The following BRF1 variants were observed in gnomAD, a reference collection of about 807,000 sequenced individuals.
BRF1 encodes the protein BRF1 general transcription factor IIIB subunit.
In BRF1, 59 loss-of-function variants were observed where a neutral mutation model predicts 81.7. The observed-to-expected ratio is 0.72, with a 90% confidence interval of 0.59 to 0.90. The LOEUF (loss-of-function observed/expected upper bound fraction) is 0.90. Among genes scored for constraint, BRF1 ranks in the 40% least tolerant of loss-of-function variants. BRF1 has a pLI of 0.00. For missense variants in BRF1, 1,050 were observed against 936.3 expected, an observed-to-expected ratio of 1.12 and a Z score of -1.58; for synonymous variants, 491 against 395.6, an observed-to-expected ratio of 1.24 and a Z score of -2.86.
chr14:105,241,637 T>C, intron 5 of BRF1: 1 of 615,730 alleles, frequency 1.6e-6, no homozygotes, highest in Non-Finnish European at 2.8e-6. Context: ...GCCAGCCTGC[T>C]GCAGACACGC....
intron 6 of BRF1, among the ~76,000 whole-genome samples, chr14:105,229,432 C>T (rs144595951): frequency 5.8e-4 from 89 of 152,322 alleles, no homozygotes; most frequent in Non-Finnish European, 7.6e-4. Context: ...CCTGGCCTGC[C>T]GGGTAGAGTG....
intron 6 of BRF1, among the ~76,000 whole-genome samples, chr14:105,229,652 G>GC (rs2054414460): frequency 6.6e-6 from 1 of 150,906 alleles, no homozygotes; most frequent in African/African-American, 2.4e-5. Flanking sequence ...GCGGGGGACA[G>GC]CCTGGCAGCC....
chr14:105,286,144 C>G, intron 2 of BRF1, 152 bp downstream of exon 2: 3 of 897,910 alleles, frequency 3.3e-6, no homozygotes, highest in Non-Finnish European at 5.1e-6. Flanking sequence ...GGCACAATTC[C>G]TCCTGGAAAG....
chr14:105,266,342 G>C (rs772457981), intron 3 of BRF1, among the ~76,000 whole-genome samples: 1 of 152,184 alleles, frequency 6.6e-6, no homozygotes, highest in Non-Finnish European at 1.5e-5. Context: ...GAGCCAGGGA[G>C]TTGGAGGTTG....
In BRF1 at chr14:105,226,231, T is replaced by C. The variant is rs1370318149; in HGVS notation, c.955+20A>G. 1.2e-6 allele frequency: 2 copies of C among 1,614,096 alleles called. No individual in the cohort carries two copies. The highest frequency in any genetic ancestry group is 2.2e-5 in the South Asian group (2 of 91,088). ...TTCCCAACAAAACAGAAGCATTACATGGGAAGATTGGTTGGTTACCTTCAA... is the reference window on the plus strand; with the variant it reads ...TTCCCAACAAAACAGAAGCATTACACGGGAAGATTGGTTGGTTACCTTCAA... On this transcript the variant is annotated intron_variant, in intron 9 of 17. Coordinates refer to ENST00000547530, the MANE Select transcript of BRF1 (RefSeq NM_001519.4).
chr14:105,217,898 C>A, intron 14 of BRF1, 98 bp from the exon 15 acceptor site: 1 of 1,537,878 alleles, frequency 6.5e-7, no homozygotes, highest in Non-Finnish European at 8.8e-7. Context: ...GCGGGTGAGG[C>A]CTGGCTCAGG....
rs1236228768 is a variant in BRF1, at chr14:105,271,699, G to A, written c.439+1022C>T. ...GCTCTGGGCTCCCTGTCAAGAGGCC[G>A]AAGGCAGCTCCTGACCCATGTGTGT... On this transcript the variant is annotated intron_variant, in intron 3 of 17. Transcript: ENST00000547530. This position sits in a 1 kb window ranked among gnomAD's most constrained non-coding sequence, Gnocchi z 5.5. 1.3e-5 allele frequency among the ~76,000 whole-genome samples: 2 copies of A among 152,242 alleles called. No homozygotes were observed. The highest frequency in any genetic ancestry group is 6.5e-5 in the Admixed American group (1 of 15,290).
At chr14:105,229,454 C>A (rs907390663) in intron 6 of BRF1, among the ~76,000 whole-genome samples, 6 of 152,198 alleles carry the variant, frequency 3.9e-5, no homozygotes, top group Admixed American at 6.5e-5. Flanking sequence ...ACTCTGTGGG[C>A]ACGAGGGTAA....
intron 2 of BRF1, among the ~76,000 whole-genome samples, chr14:105,283,160 T>G (rs1595461442): frequency 6.6e-6 from 1 of 152,100 alleles, no homozygotes; most frequent in Non-Finnish European, 1.5e-5. Context: ...GAGGAGGACA[T>G]CACTGCCACA....
intron 10 of BRF1, chr14:105,222,320 C>T (rs750975488): frequency 1.0e-4 from 17 of 168,580 alleles, no homozygotes; most frequent in Non-Finnish European, 1.6e-4. Flanking sequence ...CTGCAAATCT[C>T]GTAACTGATA....
In BRF1 at chr14:105,220,070, C is replaced by G. The variant is rs1299511716; in HGVS notation, c.1376G>C (p.Arg459Thr). The change falls in exon 12 of 18, where the codon AGG (arginine) becomes ACG (threonine). Residue 459 changes from arginine (R) to threonine (T), a missense_variant and splice_region_variant. This residue lies in a region of BRF1 where 1,043 missense variants were observed against 915.4 expected (regional missense o/e 1.14). Coordinates refer to ENST00000547530, the MANE Select transcript of BRF1 (RefSeq NM_001519.4). ...TTGGGAAGGGGTGCTGCCACGTACC[C>G]TGTCAATCTCCAGGTCATCAATGCC... is the stretch of plus-strand genomic sequence containing the variant. ...LSGIDDLEID[R>T]YILNESEARV... 2.5e-6 allele frequency: 4 copies of G among 1,612,664 alleles called. No homozygotes were observed. The African/African-American group carries it at 5.3e-5, about 22-fold the overall frequency.
intron 5 of BRF1, chr14:105,247,050 G>A (rs1393973005): frequency 1.0e-6 from 1 of 985,330 alleles, no homozygotes; most frequent in Admixed American, 6.2e-5. Context: ...ATTTCTCCTG[G>A]AAACTGCTTA....
chr14:105,312,271 C>T (rs1347985351), intron 1 of BRF1, among the ~76,000 whole-genome samples: 3 of 152,194 alleles, frequency 2.0e-5, no homozygotes, highest in Non-Finnish European at 4.4e-5. Flanking sequence ...GTTGGGGCTT[C>T]GTCTTTTTAA....
In BRF1 at chr14:105,221,798, C is replaced by G; in HGVS notation, c.1165G>C (p.Ala389Pro). The G allele has an allele frequency of 6.2e-7, 1 of 1,611,030 alleles. No individual in the cohort carries two copies. Among genetic ancestry groups the G allele is most frequent in the Non-Finnish European group, 8.5e-7 (1 of 1,179,380 alleles). The change falls in exon 11 of 18, where the codon GCC (alanine) becomes CCC (proline). Residue 389 changes from alanine (A) to proline (P), a missense_variant. Physicochemically the swap from Ala to Pro is conservative, Grantham distance 27. Coordinates refer to ENST00000547530, the MANE Select transcript of BRF1 (RefSeq NM_001519.4). ...KDLYRELLGG[A>P]PGSSEAAGSP... ...CCTGCTGCTTCCGAGCTGCCGGGGG[C>G]ACCACCAAGGAGCTCCCGGTATAAG...
rs1402659301 is a variant in BRF1, at chr14:105,221,569, C to T, written c.1315+79G>A. ...CCTCCCGACAGAGGATGGCAGCATCCGGCTCTCCCCATGAGAGGCACACGC... is the reference window on the plus strand; with the variant it reads ...CCTCCCGACAGAGGATGGCAGCATCTGGCTCTCCCCATGAGAGGCACACGC... On this transcript the variant is annotated intron_variant, in intron 11 of 17. Transcript: ENST00000547530. The T allele has an allele frequency of 1.1e-5, 17 of 1,528,958 alleles. No individual in the cohort carries two copies. The East Asian group carries it at 1.4e-4, about 13-fold the overall frequency. The allele number at this position is 1,528,958 out of a possible 1,614,324, so 94.7% of individuals were successfully genotyped here.
intron 3 of BRF1, among the ~76,000 whole-genome samples, chr14:105,258,437 CGA>C (rs1234046822): frequency 6.9e-6 from 1 of 145,624 alleles, no homozygotes; most frequent in Non-Finnish European, 1.5e-5. Flanking sequence ...TGCAGTGAGC[CGA>C]GATGGCGCCA....
chr14:105,215,712 A>G (rs1355166333), intron 15 of BRF1, among the ~76,000 whole-genome samples: 6 of 122,496 alleles, frequency 4.9e-5, no homozygotes, highest in Non-Finnish European at 6.4e-5. Context: ...GCACACAGGC[A>G]CACACACACA....
At chr14:105,223,413 GAACA>G (rs35511483) in intron 10 of BRF1, among the ~76,000 whole-genome samples, 166 of 63,694 alleles carry the variant, frequency 2.6e-3, no homozygotes, top group African/African-American at 0.021. Context: ...CAATACAAAC[GAACA>G]AACCATTGAT....
upstream of BRF1, among the ~76,000 whole-genome samples, chr14:105,304,437 G>A (rs779365066): frequency 6.6e-6 from 1 of 152,130 alleles, no homozygotes; most frequent in Non-Finnish European, 1.5e-5. Context: ...GTGGTGAGGC[G>A]AGATGGCGTC....
Sources: allele counts gnomAD v4.1 joint callset (sites outside exome capture counted in the v4.1 genomes callset), GRCh38; gene constraint gnomAD v4.1.1; regional missense constraint gnomAD v4.1.1; non-coding constraint Gnocchi (gnomAD v3.1); transcripts MANE v1.5; gene names NCBI Gene and HGNC (gene_info 2026-07-23, HGNC 2026-07-21).